Variants in SERPINB10 observed in about 807,000 individuals in gnomAD.
SERPINB10 encodes serpin family B member 10.
Under a neutral mutation model 39.1 loss-of-function variants are expected in SERPINB10, and 35 were observed. The observed-to-expected ratio is 0.90, with a 90% CI of 0.68 to 1.19. The LOEUF is 1.19. Among genes scored for constraint, SERPINB10 ranks in the 50% most tolerant of loss-of-function variants. The pLI is 0.00. For synonymous variants in SERPINB10, 190 were observed against 158.1 expected (o/e 1.20, Z -1.52); for missense variants, 546 against 460.5 (o/e 1.19, Z -1.70).
Position 63,933,211 on chromosome 18 carries a change from A to G in SERPINB10, c.789+8A>G, listed in dbSNP as rs2050236936. The G allele has an allele frequency of 6.2e-7, 1 of 1,613,692 alleles. No homozygotes were observed. Among genetic ancestry groups the G allele is most frequent in the Admixed American group, 1.7e-5 (1 of 59,982 alleles). ...ATTAATGGGCTGGAACAGGTAAATA[A>G]CATCAGTGTGTCTGATGTGAGGGTG... is the stretch of plus-strand genomic sequence containing the variant. On this transcript the variant is annotated splice_region_variant and intron_variant, in intron 7 of 7. Coordinates refer to ENST00000238508, the MANE Select transcript of SERPINB10 (RefSeq NM_005024.3).
intron 6 of SERPINB10, among the ~76,000 whole-genome samples, chr18:63,931,301 T>C (rs188955383): frequency 1.8e-4 from 27 of 152,304 alleles, no homozygotes; most frequent in Non-Finnish European, 3.1e-4. Flanking sequence ...TCAGGGAATA[T>C]GGTTGCCTCA....
At position 63,917,462 on chromosome 18, in the gene SERPINB10, C is replaced by T; in HGVS notation, c.175C>T (p.Gln59Ter). The part of the protein sequence containing the change: ...TTAAQMAQVL[Q>*]FNRDQGVKCD... Reference sequence around the variant, plus strand: ...ATTTTTATTGAAATTACAGGTGCTTCAATTTAACAGAGACCAGGGAGTCAA... The same window carrying T: ...ATTTTTATTGAAATTACAGGTGCTTTAATTTAACAGAGACCAGGGAGTCAA... The change falls in exon 3 of 8, where the codon CAA becomes TAA. Residue 59 changes from glutamine (Q) to a stop codon, truncating the protein, a stop_gained. Coordinates refer to ENST00000238508, the MANE Select transcript of SERPINB10 (RefSeq NM_005024.3). LOFTEE classifies it high-confidence loss of function. 3.2e-6 allele frequency: 5 copies of T among 1,568,934 alleles called. No homozygotes were observed. Among genetic ancestry groups the T allele is most frequent in the Non-Finnish European group, 4.3e-6 (5 of 1,156,064 alleles).
intron 6 of SERPINB10, among the ~76,000 whole-genome samples, chr18:63,931,437 C>CG (rs2050221144): frequency 6.6e-6 from 1 of 152,148 alleles, no homozygotes; most frequent in Non-Finnish European, 1.5e-5. Context: ...CTAGAGTACT[C>CG]GCAGTAAACA....
intron 7 of SERPINB10, 54 bp downstream of exon 7, chr18:63,933,257 A>G: frequency 6.3e-7 from 1 of 1,590,414 alleles, no homozygotes; most frequent in Admixed American, 1.7e-5. Flanking sequence ...TTACTAAGAA[A>G]AGAACTGCTT....
intron 6 of SERPINB10, among the ~76,000 whole-genome samples, chr18:63,932,690 A>G (rs2050231720): frequency 6.6e-6 from 1 of 152,206 alleles, no homozygotes; most frequent in South Asian, 2.1e-4. Flanking sequence ...TTTTTATAAT[A>G]CTAAAATACT....
At chr18:63,913,997 G>T (rs1184116475) in intron 1 of SERPINB10, among the ~76,000 whole-genome samples, 1 of 152,038 alleles carries the variant, frequency 6.6e-6, no homozygotes, top group African/African-American at 2.4e-5. Flanking sequence ...TTGTTGAATT[G>T]AACCTTTTGC....
At chr18:63,922,542 A>G (rs759654580) in intron 5 of SERPINB10, among the ~76,000 whole-genome samples, 1 of 151,892 alleles carries the variant, frequency 6.6e-6, no homozygotes, top group East Asian at 1.9e-4. Context: ...TAGGGATCCT[A>G]CAGATTGGAA....
chr18:63,935,161 T>A lies in SERPINB10; in HGVS notation c.1113T>A (p.Asn371Lys), dbSNP rs1444456041. The change falls in exon 8 of 8, where the codon AAT becomes AAA. Residue 371 changes from asparagine (N) to lysine (K), a missense_variant. Transcript: ENST00000238508. ...TTAGAGTCCCATCCATTGAATTCAA[T>A]GCAAATCACCCATTCCTCTTCTTCA... is the stretch of plus-strand genomic sequence containing the variant. Reference protein sequence around the residue: ...IRIRVPSIEFNANHPFLFFIR... With the variant: ...IRIRVPSIEFKANHPFLFFIR... 6.2e-7 allele frequency: 1 copy of A among 1,613,166 alleles called. No individual in the cohort carries two copies. The highest frequency in any genetic ancestry group is 8.5e-7 in the Non-Finnish European group (1 of 1,179,976).
intron 5 of SERPINB10, among the ~76,000 whole-genome samples, chr18:63,921,798 C>G (rs1013364098): frequency 3.3e-5 from 5 of 152,012 alleles, no homozygotes; most frequent in South Asian, 2.1e-4. Context: ...ACTCTTGTCA[C>G]TCCCTGGATT....
intron 2 of SERPINB10, among the ~76,000 whole-genome samples, 153 bp from the exon 3 acceptor site, chr18:63,917,303 A>G (rs936895281): frequency 2.0e-5 from 3 of 152,060 alleles, no homozygotes; most frequent in Non-Finnish European, 4.4e-5. Flanking sequence ...GACTTATTTT[A>G]TTACACACAT....
intron 6 of SERPINB10, 123 bp downstream of exon 6, chr18:63,930,310 A>T: frequency 2.8e-6 from 3 of 1,065,804 alleles, no homozygotes; most frequent in Non-Finnish European, 2.7e-6. Flanking sequence ...CAGGGAAGTG[A>T]TGGCTGGGCT....
chr18:63,918,087 G>T lies in SERPINB10; in HGVS notation c.357G>T (p.Thr119=). ...CCAATGCGATATATGGAGAGAAAAC[G>T]TATGCATTTCACAATGTAAGTGCAA... ...KTANAIYGEK[T]YAFHNKYLED... is the part of the protein sequence containing the mutation. Residue 119 remains threonine (T), a synonymous_variant, in exon 4 of 8, where the codon ACG becomes ACT. Coordinates refer to ENST00000238508, the MANE Select transcript of SERPINB10 (RefSeq NM_005024.3). 6.2e-7 allele frequency: 1 copy of T among 1,612,172 alleles called. No individual in the cohort carries two copies.
intron 1 of SERPINB10, among the ~76,000 whole-genome samples, chr18:63,908,815 AACGGG>A (rs1266692498): frequency 6.6e-6 from 1 of 151,966 alleles, no homozygotes; most frequent in East Asian, 1.9e-4. Flanking sequence ...TCTCATGGAA[AACGGG>A]ACAAGAATCC....
intron 1 of SERPINB10, among the ~76,000 whole-genome samples, chr18:63,909,493 A>C (rs542205286): frequency 2.4e-4 from 36 of 152,204 alleles, no homozygotes; most frequent in African/African-American, 7.5e-4. Flanking sequence ...TCTGGGTAAC[A>C]TCTGATATAC....
At chr18:63,914,442 T>C (rs2050087422) in intron 1 of SERPINB10, among the ~76,000 whole-genome samples, 1 of 152,116 alleles carries the variant, frequency 6.6e-6, no homozygotes. Context: ...GTAAGGCTGG[T>C]CTAGCAGTAA....
intron 5 of SERPINB10, among the ~76,000 whole-genome samples, chr18:63,920,856 T>G (rs530679681): frequency 1.3e-5 from 2 of 152,102 alleles, no homozygotes; most frequent in African/African-American, 4.8e-5. Context: ...TTGCCATTTG[T>G]CACCTAAATT....
At chr18:63,911,844 T>TC (rs1294199777) in intron 1 of SERPINB10, among the ~76,000 whole-genome samples, 1 of 152,138 alleles carries the variant, frequency 6.6e-6, no homozygotes, top group African/African-American at 2.4e-5. Flanking sequence ...GAAATAGCAT[T>TC]CCATCCGAGG....
In SERPINB10 at chr18:63,917,976, G is replaced by A; in HGVS notation, c.246G>A (p.Leu82=). ...CTTCTCTTTTAAAGGAATTCAACTT[G>A]AGCAACTCGGAAGAAATACACTCTG... ...SEKKRKMEFN[L]SNSEEIHSDF... Residue 82 remains leucine, a synonymous_variant, in exon 4 of 8, where the codon TTG becomes TTA. Coordinates refer to ENST00000238508, the MANE Select transcript of SERPINB10 (RefSeq NM_005024.3). 1 of 1,611,720 alleles carries A rather than the reference G, an allele frequency of 6.2e-7. No homozygotes were observed.
intron 1 of SERPINB10, among the ~76,000 whole-genome samples, chr18:63,914,375 T>A (rs2050086956): frequency 6.6e-6 from 1 of 152,118 alleles, no homozygotes; most frequent in East Asian, 1.9e-4. Flanking sequence ...GCTACGTACT[T>A]AAGTAACAGG....
Sources: allele counts gnomAD v4.1 joint callset (sites outside exome capture counted in the v4.1 genomes callset), GRCh38; gene constraint gnomAD v4.1.1; transcripts MANE v1.5; gene names NCBI Gene and HGNC (gene_info 2026-07-23, HGNC 2026-07-21).